The following CDH18 variants were observed in gnomAD, a reference collection of about 807,000 sequenced individuals.
The protein encoded by CDH18 is cadherin-18.
In CDH18, 31 loss-of-function variants were observed where a neutral mutation model predicts 67.9. The ratio of observed to expected loss-of-function variants is 0.46; its 90% CI spans 0.34 to 0.62. The LOEUF (loss-of-function observed/expected upper bound fraction) is 0.62, where lower values mean the gene tolerates loss of function less well. Among genes scored for constraint, CDH18 ranks in the 20% least tolerant of loss-of-function variants. The probability of loss-of-function intolerance (pLI) is 0.01; values close to 1 mark genes in which losing one functional copy is unlikely to be tolerated. For missense variants in CDH18, 890 were observed against 975.5 expected (o/e 0.91, Z 1.17); for synonymous variants, 362 against 347.2 (o/e 1.04, Z -0.48).
At chr5:19,566,533 G>A (rs941842592) in intron 8 of CDH18, among the ~76,000 whole-genome samples, 1 of 152,124 alleles carries the variant, frequency 6.6e-6, no homozygotes, top group Non-Finnish European at 1.5e-5. Context: ...CTTGCGTGGG[G>A]GCAGACAAGA....
intron 1 of CDH18, among the ~76,000 whole-genome samples, chr5:20,323,672 A>G (rs566550956): frequency 6.6e-6 from 1 of 152,224 alleles, no homozygotes; most frequent in East Asian, 1.9e-4. Context: ...AAATTCCAGT[A>G]AAAATTGTGG....
intron 1 of CDH18, among the ~76,000 whole-genome samples, chr5:20,537,932 C>T (rs1756821711): frequency 6.6e-6 from 1 of 152,120 alleles, no homozygotes; most frequent in Admixed American, 6.5e-5. Flanking sequence ...TCATATTTAG[C>T]ACAAATCAAT....
intron 2 of CDH18, among the ~76,000 whole-genome samples, chr5:20,120,334 A>T (rs944204273): frequency 1.3e-5 from 2 of 152,174 alleles, no homozygotes; most frequent in Non-Finnish European, 2.9e-5. Flanking sequence ...ACTGTTTGCC[A>T]GGCTTTATTC....
chr5:20,140,601 T>C (rs997388061), intron 2 of CDH18, among the ~76,000 whole-genome samples: 2 of 152,174 alleles, frequency 1.3e-5, no homozygotes, highest in African/African-American at 4.8e-5. Flanking sequence ...CAATTCAAAA[T>C]GTTACTTTGA....
chr5:19,798,366 T>C (rs1246881019), intron 3 of CDH18, among the ~76,000 whole-genome samples: 1 of 152,072 alleles, frequency 6.6e-6, no homozygotes, highest in Non-Finnish European at 1.5e-5. Context: ...AAATAAATGT[T>C]AATTTGCAAT....
At chr5:20,096,747 A>T (rs1198818474) in intron 2 of CDH18, among the ~76,000 whole-genome samples, 1 of 152,174 alleles carries the variant, frequency 6.6e-6, no homozygotes, top group Non-Finnish European at 1.5e-5. Context: ...CTAATAAAAG[A>T]GGAAACATTT....
At chr5:19,867,638 C>T (rs1398026701) in intron 2 of CDH18, among the ~76,000 whole-genome samples, 3 of 37,780 alleles carry the variant, frequency 7.9e-5, no homozygotes, top group Non-Finnish European at 1.8e-4. Context: ...ATATCAGACT[C>T]TAAATATATA....
At chr5:20,491,195 T>TTTATTA (rs56678208) in intron 1 of CDH18, among the ~76,000 whole-genome samples, 2,550 of 149,886 alleles carry the variant, frequency 0.017, 36 homozygotes, top group African/African-American at 0.04. Flanking sequence ...TAGTATTTGG[T>TTTATTA]TTATTATTAT....
Position 19,471,312 on chromosome 5 carries a change from A to C in CDH18, c.*1914T>G, listed in dbSNP as rs750116811. 6.6e-6 allele frequency among the ~76,000 whole-genome samples: 1 copy of C among 152,138 alleles called. No individual in the cohort carries two copies. The highest frequency in any genetic ancestry group is 2.4e-5 in the African/African-American group (1 of 41,442). On this transcript the variant is annotated 3_prime_UTR_variant, in exon 13 of 13. Coordinates refer to ENST00000382275, the MANE Select transcript of CDH18 (RefSeq NM_004934.5). The stretch of plus-strand genomic sequence containing the variant: ...AAACTAAAATGTCGTAAAAAGCTTA[A>C]ATTACATTTTATTCCTCAGGCTTAA...
intron 2 of CDH18, among the ~76,000 whole-genome samples, chr5:20,086,603 A>G (rs1744972560): frequency 6.6e-6 from 1 of 152,142 alleles, no homozygotes; most frequent in African/African-American, 2.4e-5. Context: ...GCCATTGCTC[A>G]TTTACCACTC....
At chr5:20,104,421 T>C (rs1746748416) in intron 2 of CDH18, among the ~76,000 whole-genome samples, 1 of 152,192 alleles carries the variant, frequency 6.6e-6, no homozygotes, top group Non-Finnish European at 1.5e-5. Context: ...TGACCCATGA[T>C]GTAAACATGT....
At chr5:20,531,581 C>A (rs1756400979) in intron 1 of CDH18, among the ~76,000 whole-genome samples, 2 of 152,114 alleles carry the variant, frequency 1.3e-5, no homozygotes, top group South Asian at 4.1e-4. Context: ...AGATTATGTC[C>A]TTTTCAAGGG....
At chr5:20,378,077 A>G (rs62352811) in intron 1 of CDH18, among the ~76,000 whole-genome samples, 2 of 152,162 alleles carry the variant, frequency 1.3e-5, no homozygotes, top group Admixed American at 6.5e-5. Context: ...TTTGAGAGAG[A>G]AAATTGTTTT....
chr5:19,760,418 A>T (rs768006863), intron 3 of CDH18, among the ~76,000 whole-genome samples: 34 of 151,686 alleles, frequency 2.2e-4, no homozygotes, highest in Non-Finnish European at 4.4e-4. Context: ...TTCCTCTACA[A>T]CCAGGAAAGA....
At chr5:20,252,298 C>T (rs926701644) in intron 2 of CDH18, among the ~76,000 whole-genome samples, 1 of 151,822 alleles carries the variant, frequency 6.6e-6, no homozygotes, top group Admixed American at 6.6e-5. Flanking sequence ...TTGCAGTGAG[C>T]CTAGATCACG....
intron 1 of CDH18, among the ~76,000 whole-genome samples, chr5:20,380,346 G>T (rs1324745777): frequency 2.6e-5 from 4 of 152,052 alleles, no homozygotes; most frequent in African/African-American, 9.7e-5. Flanking sequence ...TTAATAATAA[G>T]TACCTCAATG....
At chr5:20,454,260 A>G (rs1031472449) in intron 1 of CDH18, among the ~76,000 whole-genome samples, 1 of 152,076 alleles carries the variant, frequency 6.6e-6, no homozygotes, top group Non-Finnish European at 1.5e-5. Flanking sequence ...GGTTTTGATT[A>G]GTTGTCTACT....
chr5:20,433,245 T>C (rs960216674), intron 1 of CDH18, among the ~76,000 whole-genome samples: 22 of 151,308 alleles, frequency 1.5e-4, no homozygotes, highest in Non-Finnish European at 2.5e-4. Flanking sequence ...TATATATATA[T>C]ACACATAATA....
intron 1 of CDH18, among the ~76,000 whole-genome samples, chr5:20,363,274 C>G (rs145635698): frequency 2.4e-3 from 364 of 151,848 alleles, no homozygotes; most frequent in African/African-American, 8.4e-3. Context: ...CCCCTGAGGT[C>G]AGGAGCTCAA....
Sources: gnomAD v4.1 joint callset for allele counts (sites outside exome capture counted in the v4.1 genomes callset) on GRCh38, gnomAD v4.1.1 for gene constraint, MANE v1.5 for transcripts, NCBI Gene and HGNC (gene_info 2026-07-23, HGNC 2026-07-21) for gene names.